The following RALGAPA2 variants were observed in gnomAD, a reference collection of about 807,000 sequenced individuals.
RALGAPA2 encodes the protein Ral GTPase activating protein catalytic subunit alpha 2, also known as ral GTPase-activating protein subunit alpha-2.
A neutral mutation model predicts 230.4 loss-of-function variants in RALGAPA2; 139 were observed. That is an observed-to-expected ratio of 0.60 (90% confidence interval 0.53 to 0.69). The LOEUF is 0.69. Among genes scored for constraint, RALGAPA2 ranks in the 30% least tolerant of loss-of-function variants. RALGAPA2 has a pLI of 0.00. For synonymous variants in RALGAPA2, 847 were observed against 837.8 expected (o/e 1.01, Z -0.19); for missense variants, 2,163 against 2,276.0 (o/e 0.95, Z 1.01).
In RALGAPA2 at chr20:20,531,787, G is replaced by A. The variant is rs763690497; in HGVS notation, c.3482C>T (p.Ala1161Val). The change falls in exon 27 of 40, where the codon GCT becomes GTT. Residue 1161 changes from alanine (A) to valine (V), a missense_variant. Coordinates refer to ENST00000202677, the MANE Select transcript of RALGAPA2 (RefSeq NM_020343.4). ...TATCCAGACCCCAAGGGAGCAAACA[G>A]CAATGCATCTTTTTAAAAAGAAGAA... ...EEPNEYARCIAVCSLGVWICE... is the reference protein window; with the variant it reads ...EEPNEYARCIVVCSLGVWICE... 3.8e-6 allele frequency: 6 copies of A among 1,598,310 alleles called. No individual in the cohort carries two copies. The South Asian group carries it at 5.7e-5, about 15-fold the overall frequency.
At position 20,712,521 on chromosome 20, in the gene RALGAPA2, G is replaced by A; in HGVS notation, c.-41C>T. ...CCGGGCCCCGCCGGCGGGGCAGTAGGCGCCTGCGCCACGCGAATCAAAGCA... is the reference window on the plus strand; with the variant it reads ...CCGGGCCCCGCCGGCGGGGCAGTAGACGCCTGCGCCACGCGAATCAAAGCA... On this transcript the variant is annotated 5_prime_UTR_variant, in exon 1 of 40. Coordinates refer to ENST00000202677, the MANE Select transcript of RALGAPA2 (RefSeq NM_020343.4). This position sits in a 1 kb window ranked among gnomAD's most constrained non-coding sequence, Gnocchi z 5.5. 6.6e-7 allele frequency: 1 copy of A among 1,524,396 alleles called. No individual in the cohort carries two copies. Among genetic ancestry groups the A allele is most frequent in the Non-Finnish European group, 8.8e-7 (1 of 1,136,286 alleles). 94.4% of individuals were successfully genotyped at this position (1,524,396 alleles called of 1,614,324 possible). A position where few individuals can be genotyped will look rare whatever the true frequency, so the allele number is the denominator to read the frequency against.
chr20:20,476,170 C>T (rs1325796854), intron 36 of RALGAPA2, among the ~76,000 whole-genome samples: 2 of 151,982 alleles, frequency 1.3e-5, no homozygotes, highest in Admixed American at 1.3e-4. Flanking sequence ...GCTATAGATT[C>T]AACAAAACCC....
chr20:20,659,641 CTAACA>C (rs1366782372), intron 3 of RALGAPA2: 3 of 292,960 alleles, frequency 1.0e-5, no homozygotes, highest in Non-Finnish European at 2.0e-5. Context: ...CCTAAAACAA[CTAACA>C]TAAGACAACA....
chr20:20,472,739 C>A, intron 37 of RALGAPA2, 90 bp downstream of exon 37: 1 of 1,403,478 alleles, frequency 7.1e-7, no homozygotes, highest in South Asian at 1.7e-5. Context: ...CTCTTCAATT[C>A]AGTTTTGAAT....
chr20:20,457,610 A>G (rs1328311032), intron 37 of RALGAPA2, among the ~76,000 whole-genome samples: 1 of 152,212 alleles, frequency 6.6e-6, no homozygotes, highest in Non-Finnish European at 1.5e-5. Context: ...AAACACCCGC[A>G]TGGCTGGCGT....
At chr20:20,578,024 T>C (rs905838134) in intron 20 of RALGAPA2, among the ~76,000 whole-genome samples, 9 of 152,110 alleles carry the variant, frequency 5.9e-5, no homozygotes, top group African/African-American at 1.9e-4. Context: ...GAATCCCACA[T>C]AGAAAATCTG....
At chr20:20,643,044 G>C (rs746084864) in intron 5 of RALGAPA2, among the ~76,000 whole-genome samples, 4 of 152,178 alleles carry the variant, frequency 2.6e-5, no homozygotes, top group Non-Finnish European at 5.9e-5. Context: ...ATATTCAAGA[G>C]TGAGACCCTG....
chr20:20,490,435 G>GTACTAAATAGGTTA (rs1466822978), intron 36 of RALGAPA2, among the ~76,000 whole-genome samples: 2 of 152,058 alleles, frequency 1.3e-5, no homozygotes, highest in Non-Finnish European at 1.5e-5. Context: ...GTACATTCTG[G>GTACTAAATAGGTTA]TTGTTTGGTA....
At chr20:20,460,760 C>T (rs2061283040) in intron 37 of RALGAPA2, among the ~76,000 whole-genome samples, 1 of 152,188 alleles carries the variant, frequency 6.6e-6, no homozygotes, top group African/African-American at 2.4e-5. Flanking sequence ...TCAGCTCGTG[C>T]ACACATATGG....
intron 37 of RALGAPA2, among the ~76,000 whole-genome samples, chr20:20,466,582 C>T (rs1402226768): frequency 3.9e-5 from 6 of 152,152 alleles, no homozygotes; most frequent in African/African-American, 4.8e-5. Context: ...GGTCGAGGTC[C>T]CTTTTAAAAT....
chr20:20,457,240 A>G (rs1182895884), intron 37 of RALGAPA2, among the ~76,000 whole-genome samples: 1 of 152,208 alleles, frequency 6.6e-6, no homozygotes, highest in Admixed American at 6.5e-5. Flanking sequence ...TACTTTCAGC[A>G]CAGGGAGAGG....
At chr20:20,501,948 G>A (rs2062389874) in intron 35 of RALGAPA2, among the ~76,000 whole-genome samples, 1 of 152,112 alleles carries the variant, frequency 6.6e-6, no homozygotes, top group African/African-American at 2.4e-5. Context: ...GAACATGTAT[G>A]AATTAAGTTT....
intron 38 of RALGAPA2, among the ~76,000 whole-genome samples, chr20:20,399,343 CAAAA>C (rs11396922): frequency 8.6e-6 from 1 of 115,982 alleles, no homozygotes; most frequent in African/African-American, 3.5e-5. Flanking sequence ...AACTCCGTCT[CAAAA>C]AAAAAAAAAA....
Position 20,588,858 on chromosome 20 carries a change from T to C in RALGAPA2, c.2439+410A>G, listed in dbSNP as rs1037933930. On this transcript the variant is annotated intron_variant, in intron 18 of 39. Transcript: ENST00000202677. ...TATATATATTTAAATAAATGCCATTTTATGTTTTTTGTTTTTTGTTTTTTT... is the reference window on the plus strand; with the variant it reads ...TATATATATTTAAATAAATGCCATTCTATGTTTTTTGTTTTTTGTTTTTTT... Among the ~76,000 whole-genome samples, 3 of 151,846 alleles carry C rather than the reference T, an allele frequency of 2.0e-5. No homozygotes were observed. The South Asian group carries it at 6.2e-4, about 31-fold the overall frequency.
At chr20:20,670,088 CTT>C (rs1441572336) in intron 3 of RALGAPA2, among the ~76,000 whole-genome samples, 1 of 152,266 alleles carries the variant, frequency 6.6e-6, no homozygotes, top group East Asian at 1.9e-4. Flanking sequence ...CCAGTAGACT[CTT>C]CCGCTCACCA....
chr20:20,594,264 T>C (rs950819247), intron 16 of RALGAPA2, among the ~76,000 whole-genome samples: 4 of 152,240 alleles, frequency 2.6e-5, no homozygotes, highest in Non-Finnish European at 4.4e-5. Flanking sequence ...TATAAATGAA[T>C]ACATGAATGA....
intron 23 of RALGAPA2, among the ~76,000 whole-genome samples, chr20:20,561,336 C>T (rs1046690287): frequency 6.6e-6 from 1 of 152,216 alleles, no homozygotes; most frequent in Non-Finnish European, 1.5e-5. Context: ...GCTGTTCTCT[C>T]AGCCATCCTG....
chr20:20,711,022 G>A (rs770042982), intron 1 of RALGAPA2, among the ~76,000 whole-genome samples: 7 of 152,120 alleles, frequency 4.6e-5, no homozygotes, highest in Non-Finnish European at 8.8e-5. Context: ...TACCAAGAAC[G>A]CCACACTTCA....
Position 20,640,783 on chromosome 20 carries a change from C to A in RALGAPA2, c.468G>T (p.Val156=). 1 of 1,613,922 alleles carries A rather than the reference C, an allele frequency of 6.2e-7. No homozygotes were observed. The highest frequency in any genetic ancestry group is 8.5e-7 in the Non-Finnish European group (1 of 1,179,830). Residue 156 remains valine, a synonymous_variant, in exon 6 of 40, where the codon GTG becomes GTT. Transcript: ENST00000202677. ...ATGACATGACTGCTGGGAAACCAGG[C>A]ACCAGGCAAGCAAAAATCAGAACCT... The part of the protein sequence containing the change: ...EEQVLIFACL[V]PGFPAVMSSR...
Sources: allele counts gnomAD v4.1 joint callset (sites outside exome capture counted in the v4.1 genomes callset), GRCh38; gene constraint gnomAD v4.1.1; non-coding constraint Gnocchi (gnomAD v3.1); transcripts MANE v1.5; gene names NCBI Gene and HGNC (gene_info 2026-07-23, HGNC 2026-07-21).